Variants in PIWIL2 observed in about 807,000 individuals in gnomAD.
PIWIL2 encodes the protein piwi like RNA-mediated gene silencing 2.
Under a neutral mutation model 116.5 loss-of-function variants are expected in PIWIL2, and 81 were observed. The ratio of observed to expected loss-of-function variants is 0.70; its 90% confidence interval spans 0.58 to 0.84. The LOEUF (loss-of-function observed/expected upper bound fraction) is 0.84, where lower values mean the gene tolerates loss of function less well. PIWIL2 is among the 40% of genes least tolerant of loss of function. PIWIL2 has a pLI of 0.00. For missense variants in PIWIL2, 1,272 were observed against 1,212.3 expected, an observed-to-expected ratio of 1.05 and a Z score of -0.73; for synonymous variants, 489 against 429.5, an observed-to-expected ratio of 1.14 and a Z score of -1.71.
intron 12 of PIWIL2, among the ~76,000 whole-genome samples, 170 bp downstream of exon 12, chr8:22,305,038 T>A (rs1043739755): frequency 1.3e-5 from 2 of 152,170 alleles, no homozygotes; most frequent in East Asian, 3.9e-4. Flanking sequence ...CCACTCACAC[T>A]GGTAAGATCT....
intron 13 of PIWIL2, 142 bp downstream of exon 13, chr8:22,306,158 C>T: frequency 1.6e-6 from 1 of 629,432 alleles, no homozygotes; most frequent in Non-Finnish European, 2.9e-6. Flanking sequence ...TTCCAGCCTC[C>T]AGTTTTCTCC....
intron 20 of PIWIL2, among the ~76,000 whole-genome samples, chr8:22,347,265 T>G: frequency 6.6e-6 from 1 of 150,378 alleles, no homozygotes; most frequent in Non-Finnish European, 1.5e-5. Flanking sequence ...CAGGCTGGAC[T>G]GCAGTGGTGT....
At chr8:22,326,602 AC>A (rs1194912943) in intron 20 of PIWIL2, among the ~76,000 whole-genome samples, 1 of 151,778 alleles carries the variant, frequency 6.6e-6, no homozygotes, top group African/African-American at 2.4e-5. Flanking sequence ...AAAATGTGTG[AC>A]CTTTTGTGTT....
chr8:22,341,679 C>G (rs1832113765), intron 20 of PIWIL2, among the ~76,000 whole-genome samples: 1 of 151,202 alleles, frequency 6.6e-6, no homozygotes, highest in Non-Finnish European at 1.5e-5. Flanking sequence ...TACAAAAAAG[C>G]TACAGCTAAC....
chr8:22,305,008 G>A, intron 12 of PIWIL2, 140 bp downstream of exon 12: 1 of 642,900 alleles, frequency 1.6e-6, no homozygotes, highest in Non-Finnish European at 2.8e-6. Flanking sequence ...GTGTTTGTCT[G>A]TCTCATCCAG....
At chr8:22,306,292 C>CT (rs1831176397) in intron 13 of PIWIL2, among the ~76,000 whole-genome samples, 3 of 152,358 alleles carry the variant, frequency 2.0e-5, no homozygotes, top group South Asian at 2.1e-4. Flanking sequence ...ACAAACAACT[C>CT]TGTCTTCATC....
At chr8:22,351,461 ATATATATATATATATATATAT>A (rs1832357490) in intron 20 of PIWIL2, among the ~76,000 whole-genome samples, 3 of 87,714 alleles carry the variant, frequency 3.4e-5, no homozygotes, top group African/African-American at 1.6e-4. Flanking sequence ...ATATATATAT[ATATATATATATATATATATAT>A]AATTTATATC....
At chr8:22,276,553 A>G (rs1235344704) in intron 1 of PIWIL2, among the ~76,000 whole-genome samples, 2 of 152,138 alleles carry the variant, frequency 1.3e-5, no homozygotes, top group African/African-American at 4.8e-5. Context: ...TGACCTTGTG[A>G]TCTGCCCACC....
intron 13 of PIWIL2, 112 bp from the exon 14 acceptor site, chr8:22,307,821 A>T: frequency 1.3e-6 from 1 of 750,354 alleles, no homozygotes; most frequent in Non-Finnish European, 2.1e-6. Context: ...ATGTTTGAAA[A>T]TTTCTGCTGA....
At chr8:22,277,031 A>AT (rs201141722) in intron 1 of PIWIL2, among the ~76,000 whole-genome samples, 6,524 of 136,660 alleles carry the variant, frequency 0.048, 451 homozygotes, top group African/African-American at 0.18. Flanking sequence ...ATATATATAT[A>AT]TATTTTTTTT....
chr8:22,310,510 A>G lies in PIWIL2; in HGVS notation c.1800+436A>G, dbSNP rs563276989. ...TTACTTCTCAGTGTTTTTGACCAAC[A>G]TGGACTTCATGGCCAGATATATAAA... is the stretch of plus-strand genomic sequence containing the variant. On this transcript the variant is annotated intron_variant, in intron 15 of 22. Transcript: ENST00000356766. Among the ~76,000 whole-genome samples, 9 of 152,346 alleles carry G rather than the reference A, an allele frequency of 5.9e-5. No individual in the cohort carries two copies. In the South Asian group the frequency reaches 1.0e-3, roughly 18 times the overall value.
chr8:22,318,277 T>C lies in PIWIL2; in HGVS notation c.2403+2T>C. On this transcript the variant is annotated splice_donor_variant, in intron 20 of 22. Coordinates refer to ENST00000356766, the MANE Select transcript of PIWIL2 (RefSeq NM_018068.5). LOFTEE classifies it high-confidence loss of function. ...GGCTCCTTAAAAAAGTTTTATGAGG[T>C]GAGGAGAACAGAAATTCTCAGGCTT... 3 of 1,507,154 alleles carry C rather than the reference T, an allele frequency of 2.0e-6. No individual in the cohort carries two copies. Among genetic ancestry groups the C allele is most frequent in the Non-Finnish European group, 2.8e-6 (3 of 1,089,986 alleles). 93.4% of individuals were successfully genotyped at this position (1,507,154 alleles called of 1,614,324 possible). A position where few individuals can be genotyped will look rare whatever the true frequency, so the allele number is the denominator to read the frequency against.
At chr8:22,332,504 C>G (rs1016169252) in intron 20 of PIWIL2, among the ~76,000 whole-genome samples, 1 of 151,946 alleles carries the variant, frequency 6.6e-6, no homozygotes, top group Admixed American at 6.6e-5. Flanking sequence ...ACATCTCAAG[C>G]AGGATTTATA....
Position 22,356,931 on chromosome 8 carries a change from G to C in PIWIL2, c.*1426G>C, listed in dbSNP as rs1015043815. ...GTTCTGTCTCATCTTGCTTTATTGG[G>C]TTTTAAAAACCGGTCTTATTTAAGC... On this transcript the variant is annotated 3_prime_UTR_variant, in exon 23 of 23. Coordinates refer to ENST00000356766, the MANE Select transcript of PIWIL2 (RefSeq NM_018068.5). 1.3e-5 allele frequency: 2 copies of C among 151,900 alleles called. No individual in the cohort carries two copies. The highest frequency in any genetic ancestry group is 2.9e-5 in the Non-Finnish European group (2 of 67,996). The allele number at this position is 151,900 out of a possible 1,614,324, so 9.4% of individuals were successfully genotyped here.
chr8:22,281,421 AAGGACAGGG>A lies in PIWIL2; in HGVS notation c.336_344del (p.Asp112_Glu114del). The stretch of plus-strand genomic sequence containing the variant: ...AGGCTTGTCTGCTAATCTGGTACGC[AAGGACAGGG>A]AGGAACTCTCTCCCACTTTTTGGGA... On this transcript the variant is annotated inframe_deletion, in exon 4 of 23. Coordinates refer to ENST00000356766, the MANE Select transcript of PIWIL2 (RefSeq NM_018068.5). 1.9e-6 allele frequency: 3 copies of A among 1,607,158 alleles called. No homozygotes were observed. Among genetic ancestry groups the A allele is most frequent in the Non-Finnish European group, 2.5e-6 (3 of 1,178,546 alleles).
chr8:22,303,396 T>G (rs1368543445), intron 10 of PIWIL2, among the ~76,000 whole-genome samples: 1 of 152,198 alleles, frequency 6.6e-6, no homozygotes, highest in Non-Finnish European at 1.5e-5. Flanking sequence ...AAACAATTAA[T>G]TTTAATTAAT....
intron 2 of PIWIL2, among the ~76,000 whole-genome samples, chr8:22,280,151 C>T (rs1025279313): frequency 6.6e-6 from 1 of 152,182 alleles, no homozygotes; most frequent in Non-Finnish European, 1.5e-5. Flanking sequence ...TTCCGATCAT[C>T]CCTCCATCCC....
At chr8:22,282,181 A>T (rs1830522340) in intron 4 of PIWIL2, among the ~76,000 whole-genome samples, 1 of 144,748 alleles carries the variant, frequency 6.9e-6, no homozygotes, top group Non-Finnish European at 1.5e-5. Context: ...CCCAGGTTCA[A>T]GCGATTCTCC....
rs149430963 is a variant in PIWIL2, at chr8:22,356,581, C to G, written c.*1076C>G. On this transcript the variant is annotated 3_prime_UTR_variant, in exon 23 of 23. Transcript: ENST00000356766. ...AAAAAATCTAGCAGCTAGGAAAGTTCAAGTTGGGGTGGGAGTTTTTAGTGA... is the reference window on the plus strand; with the variant it reads ...AAAAAATCTAGCAGCTAGGAAAGTTGAAGTTGGGGTGGGAGTTTTTAGTGA... 1.1e-3 allele frequency: 164 copies of G among 152,266 alleles called. No homozygotes were observed. Among genetic ancestry groups the G allele is most frequent in the African/African-American group, 3.8e-3 (158 of 41,554 alleles). The allele number at this position is 152,266 out of a possible 1,614,324, so 9.4% of individuals were successfully genotyped here.
Sources: allele counts gnomAD v4.1 joint callset (sites outside exome capture counted in the v4.1 genomes callset), GRCh38; gene constraint gnomAD v4.1.1; transcripts MANE v1.5; gene names NCBI Gene and HGNC (gene_info 2026-07-23, HGNC 2026-07-21).